The following DPYD variants were observed in gnomAD, a reference collection of about 807,000 sequenced individuals.
DPYD encodes the protein dihydropyrimidine dehydrogenase, also known as dihydropyrimidine dehydrogenase [NADP(+)].
In DPYD, 109 loss-of-function variants were observed where a neutral mutation model predicts 116.2. The observed-to-expected ratio is 0.94, with a 90% CI of 0.80 to 1.10. DPYD has a LOEUF of 1.10. DPYD is among the 50% of genes least tolerant of loss of function. The probability of loss-of-function intolerance (pLI) is 0.00; values close to 1 mark genes in which losing one functional copy is unlikely to be tolerated. For synonymous variants in DPYD, 440 were observed against 432.0 expected (o/e 1.02, Z -0.23); for missense variants, 1,302 against 1,254.5 (o/e 1.04, Z -0.57).
At chr1:97,579,140 A>T (rs1276647505) in intron 10 of DPYD, among the ~76,000 whole-genome samples, 1 of 152,180 alleles carries the variant, frequency 6.6e-6, no homozygotes, top group African/African-American at 2.4e-5. Flanking sequence ...CACCCAGCAA[A>T]TCAGAATATA....
intron 16 of DPYD, among the ~76,000 whole-genome samples, chr1:97,311,109 G>A (rs1553252539): frequency 1.3e-5 from 2 of 151,560 alleles, no homozygotes; most frequent in Non-Finnish European, 3.0e-5. Flanking sequence ...GTGGAAATAA[G>A]TATAAGAAAA....
chr1:97,549,153 A>G (rs1651127535), intron 12 of DPYD, among the ~76,000 whole-genome samples: 2 of 151,414 alleles, frequency 1.3e-5, no homozygotes, highest in Non-Finnish European at 2.9e-5. Flanking sequence ...TGCAGCCTTG[A>G]CCTCCTCAGC....
intron 4 of DPYD, among the ~76,000 whole-genome samples, chr1:97,738,335 G>C (rs944921795): frequency 6.6e-6 from 1 of 152,080 alleles, no homozygotes; most frequent in Non-Finnish European, 1.5e-5. Context: ...ACTGACTGAG[G>C]GGGGACAATA....
At chr1:97,809,223 A>T (rs1222967694) in intron 3 of DPYD, among the ~76,000 whole-genome samples, 1 of 152,226 alleles carries the variant, frequency 6.6e-6, no homozygotes, top group Non-Finnish European at 1.5e-5. Flanking sequence ...GTAATCTTCA[A>T]CCATGACTGC....
intron 2 of DPYD, among the ~76,000 whole-genome samples, chr1:97,854,708 A>T (rs1670733584): frequency 6.6e-6 from 1 of 152,190 alleles, no homozygotes; most frequent in African/African-American, 2.4e-5. Context: ...AGTAAGTTGA[A>T]ACTCTTGGTT....
rs1449962760 is a variant in DPYD at position 97,299,136 on chromosome 1, C to A, written c.2299+6123G>T. 2.0e-5 allele frequency among the ~76,000 whole-genome samples: 3 copies of A among 151,998 alleles called. No homozygotes were observed. The East Asian group carries it at 5.8e-4, about 29-fold the overall frequency. On this transcript the variant is annotated intron_variant, in intron 18 of 22. Coordinates refer to ENST00000370192, the MANE Select transcript of DPYD (RefSeq NM_000110.4). ...TAAATTAAACAGCCACTGACGTGTA[C>A]CTACACTGATTTTTTAGTACAGTAG...
intron 20 of DPYD, among the ~76,000 whole-genome samples, chr1:97,104,860 A>T (rs1651019772): frequency 6.6e-6 from 1 of 152,118 alleles, no homozygotes. Flanking sequence ...TGAATTAGGA[A>T]TAATGTCAAT....
At chr1:97,720,160 TCTCTCA>T in intron 5 of DPYD, 2 of 984,048 alleles carry the variant, frequency 2.0e-6, no homozygotes, top group Non-Finnish European at 2.4e-6. Flanking sequence ...TCTCTCTCTC[TCTCTCA>T]CACACACACA....
intron 4 of DPYD, among the ~76,000 whole-genome samples, chr1:97,726,913 T>C (rs1035235357): frequency 6.6e-6 from 1 of 151,724 alleles, no homozygotes; most frequent in African/African-American, 2.4e-5. Flanking sequence ...TTTCTATAGC[T>C]GTCAAACTAT....
intron 16 of DPYD, among the ~76,000 whole-genome samples, chr1:97,327,937 A>T (rs1258969413): frequency 6.6e-6 from 1 of 152,182 alleles, no homozygotes; most frequent in African/African-American, 2.4e-5. Flanking sequence ...ATAGGCATTT[A>T]GAAGATATAA....
chr1:97,407,094 C>T (rs1673700770), intron 14 of DPYD, among the ~76,000 whole-genome samples: 1 of 152,010 alleles, frequency 6.6e-6, no homozygotes, highest in Non-Finnish European at 1.5e-5. Flanking sequence ...AACAAATATT[C>T]ATTTAATAAA....
intron 14 of DPYD, 48 bp downstream of exon 14, chr1:97,450,011 C>T (rs2101791245): frequency 6.2e-7 from 1 of 1,609,646 alleles, no homozygotes; most frequent in Non-Finnish European, 8.5e-7. Context: ...AATAAACATT[C>T]ACCAACTTAT....
At chr1:97,656,852 T>C (rs1658937762) in intron 8 of DPYD, among the ~76,000 whole-genome samples, 1 of 151,642 alleles carries the variant, frequency 6.6e-6, no homozygotes, top group African/African-American at 2.4e-5. Flanking sequence ...ACTGGATCTA[T>C]GAGATCTATT....
intron 18 of DPYD, among the ~76,000 whole-genome samples, chr1:97,270,670 C>T (rs1664521836): frequency 6.6e-6 from 1 of 152,108 alleles, no homozygotes; most frequent in African/African-American, 2.4e-5. Flanking sequence ...GGGAATTTGT[C>T]TGCTAAAAGA....
chr1:97,652,631 A>G (rs1571133068), intron 8 of DPYD, among the ~76,000 whole-genome samples: 1 of 152,218 alleles, frequency 6.6e-6, no homozygotes, highest in Non-Finnish European at 1.5e-5. Flanking sequence ...TCAGGTCTCA[A>G]CAAAACCCAC....
Position 97,459,861 on chromosome 1 carries a change from C to CA in DPYD, c.1741-9639dup, listed in dbSNP as rs533284532. Among the ~76,000 whole-genome samples, 5 of 151,488 alleles carry CA rather than the reference C, an allele frequency of 3.3e-5. No homozygotes were observed. In the South Asian group the frequency reaches 6.3e-4, roughly 19 times the overall value. ...AAGGTGTGATTATGTTTATATGAGG[C>CA]AAAAAAATAAACAAAACTAAATAGT... On this transcript the variant is annotated intron_variant, in intron 13 of 22. Transcript: ENST00000370192.
intron 2 of DPYD, among the ~76,000 whole-genome samples, chr1:97,857,199 T>A (rs533584854): frequency 1.3e-5 from 2 of 152,178 alleles, no homozygotes; most frequent in Admixed American, 1.3e-4. Context: ...ATGGAGTATA[T>A]GTCTTAAAAG....
At chr1:97,698,295 ATATT>A (rs1661411719) in intron 6 of DPYD, among the ~76,000 whole-genome samples, 1 of 151,930 alleles carries the variant, frequency 6.6e-6, no homozygotes, top group Admixed American at 6.6e-5. Flanking sequence ...TTATACATCA[ATATT>A]TATGTTAATA....
At chr1:97,862,835 T>G (rs765973465) in intron 2 of DPYD, among the ~76,000 whole-genome samples, 2 of 151,958 alleles carry the variant, frequency 1.3e-5, no homozygotes, top group Non-Finnish European at 2.9e-5. Flanking sequence ...GCAATTATTC[T>G]ATACTTTCTC....
Sources: gnomAD v4.1 joint callset for allele counts (sites outside exome capture counted in the v4.1 genomes callset) on GRCh38, gnomAD v4.1.1 for gene constraint, MANE v1.5 for transcripts, NCBI Gene and HGNC (gene_info 2026-07-23, HGNC 2026-07-21) for gene names.